The following RAB10 variants were observed in gnomAD, a reference collection of about 807,000 sequenced individuals.
RAB10 encodes ras-related protein Rab-10.
Under a neutral mutation model 25.7 loss-of-function variants are expected in RAB10, and 5 were observed. The observed-to-expected ratio is 0.19, with a 90% confidence interval of 0.10 to 0.41. The LOEUF (loss-of-function observed/expected upper bound fraction) is 0.41. RAB10 is among the 10% of genes least tolerant of loss of function. The pLI, the probability that RAB10 is intolerant of heterozygous loss-of-function variation, is 1.00. For missense variants in RAB10, 103 were observed against 245.8 expected, an observed-to-expected ratio of 0.42 and a Z score of 3.89; for synonymous variants, 89 against 86.4, an observed-to-expected ratio of 1.03 and a Z score of -0.16.
intron 1 of RAB10, among the ~76,000 whole-genome samples, chr2:26,052,073 A>G (rs1666150909): frequency 6.6e-6 from 1 of 150,484 alleles, no homozygotes; most frequent in African/African-American, 2.4e-5. Flanking sequence ...AAAAAAACAA[A>G]AAGTCATTAA....
At chr2:26,114,942 G>GT (rs1238521990) in intron 3 of RAB10, among the ~76,000 whole-genome samples, 2 of 151,910 alleles carry the variant, frequency 1.3e-5, no homozygotes, top group Non-Finnish European at 2.9e-5. Flanking sequence ...GGACCTACAT[G>GT]TAAGATCTAA....
At chr2:26,039,134 C>G (rs952831098) in intron 1 of RAB10, among the ~76,000 whole-genome samples, 1 of 150,958 alleles carries the variant, frequency 6.6e-6, no homozygotes, top group Non-Finnish European at 1.5e-5. Context: ...ATTCTACTGC[C>G]TCAGCCTCCC....
At chr2:26,036,476 T>C (rs1002562206) in intron 1 of RAB10, among the ~76,000 whole-genome samples, 1 of 152,056 alleles carries the variant, frequency 6.6e-6, no homozygotes, top group Non-Finnish European at 1.5e-5. Context: ...TTGGCCAATA[T>C]GGTGAAACCC....
At chr2:26,085,141 T>A (rs1474635817) in intron 1 of RAB10, among the ~76,000 whole-genome samples, 2 of 152,006 alleles carry the variant, frequency 1.3e-5, no homozygotes, top group Non-Finnish European at 2.9e-5. Flanking sequence ...GAATAATGGA[T>A]AAAATAATTG....
At chr2:26,115,921 G>A (rs1470053507) in intron 3 of RAB10, among the ~76,000 whole-genome samples, 2 of 148,182 alleles carry the variant, frequency 1.3e-5, no homozygotes, top group Non-Finnish European at 3.0e-5. Flanking sequence ...GTGCAGTGGC[G>A]CCATCTTGGC....
At position 26,112,285 on chromosome 2, in the gene RAB10, A is replaced by G. The variant is rs560970378; in HGVS notation, c.327+2379A>G. Among the ~76,000 whole-genome samples the G allele has an allele frequency of 2.0e-5, 3 of 152,128 alleles. No homozygotes were observed. The South Asian group carries it at 6.2e-4, about 32-fold the overall frequency. On this transcript the variant is annotated intron_variant, in intron 3 of 5. Transcript: ENST00000264710. ...TAATGTCTGTCTCCCTTCCCCTCCT[A>G]GGAGGTCAGGAAGTGGGACTGAAAT...
At chr2:26,126,135 T>G (rs1008864321) in intron 3 of RAB10, among the ~76,000 whole-genome samples, 1 of 152,202 alleles carries the variant, frequency 6.6e-6, no homozygotes, top group Non-Finnish European at 1.5e-5. Context: ...ATTGACTGAT[T>G]TTGGCATCCT....
chr2:26,074,085 T>C (rs1229302878), intron 1 of RAB10, among the ~76,000 whole-genome samples: 1 of 152,188 alleles, frequency 6.6e-6, no homozygotes, highest in Non-Finnish European at 1.5e-5. Flanking sequence ...AGGCATCTTA[T>C]ATTAAGATCA....
chr2:26,118,550 T>G (rs1667740036), intron 3 of RAB10, among the ~76,000 whole-genome samples: 1 of 152,188 alleles, frequency 6.6e-6, no homozygotes, highest in African/African-American at 2.4e-5. Flanking sequence ...AATGGTTTCA[T>G]TATTATTAAA....
Position 26,034,459 on chromosome 2 carries a change from C to A in RAB10, c.-150C>A. On this transcript the variant is annotated 5_prime_UTR_variant, in exon 1 of 6. The change creates a new upstream start codon in the 5' untranslated region. Coordinates refer to ENST00000264710, the MANE Select transcript of RAB10 (RefSeq NM_016131.5). ...CGCCACTGTCGGGGCTTCCTCAAAGCTGTTCGTAGGTCGCCCGCGCCGTCT... is the reference window on the plus strand; with the variant it reads ...CGCCACTGTCGGGGCTTCCTCAAAGATGTTCGTAGGTCGCCCGCGCCGTCT... The A allele has an allele frequency of 1.9e-6, 2 of 1,052,712 alleles. No individual in the cohort carries two copies. Among genetic ancestry groups the A allele is most frequent in the Non-Finnish European group, 2.7e-6 (2 of 741,728 alleles). The allele number at this position is 1,052,712 out of a possible 1,614,324, so 65.2% of individuals were successfully genotyped here. A position where few individuals can be genotyped will look rare whatever the true frequency, so the allele number is the denominator to read the frequency against.
chr2:26,108,293 A>G (rs767676057), intron 2 of RAB10, among the ~76,000 whole-genome samples: 19 of 152,220 alleles, frequency 1.2e-4, no homozygotes, highest in Non-Finnish European at 2.4e-4. Flanking sequence ...TGTGATACAG[A>G]CATACCATAG....
rs1667934082 is a variant in RAB10, at chr2:26,127,833, T to C, written c.418-17T>C. The C allele has an allele frequency of 1.9e-6, 3 of 1,544,050 alleles. No individual in the cohort carries two copies. Among genetic ancestry groups the C allele is most frequent in the Non-Finnish European group, 2.7e-6 (3 of 1,116,628 alleles). On this transcript the variant is annotated splice_polypyrimidine_tract_variant and intron_variant, in intron 4 of 5. Coordinates refer to ENST00000264710, the MANE Select transcript of RAB10 (RefSeq NM_016131.5). The stretch of plus-strand genomic sequence containing the variant: ...CATGCTTGATAATTTTATGATGATA[T>C]TTTGTTTCTGTTTTAGATTGCAAGG...
At chr2:26,120,655 T>C (rs1003183964) in intron 3 of RAB10, among the ~76,000 whole-genome samples, 1 of 151,882 alleles carries the variant, frequency 6.6e-6, no homozygotes, top group African/African-American at 2.4e-5. Context: ...AGTGGTGCTA[T>C]CTTGGCTCAC....
intron 2 of RAB10, among the ~76,000 whole-genome samples, chr2:26,103,332 T>C (rs1346601433): frequency 6.6e-6 from 1 of 152,182 alleles, no homozygotes; most frequent in Admixed American, 6.5e-5. Flanking sequence ...CATATGCAGG[T>C]AGTGGGAACA....
chr2:26,127,655 A>G (rs1254758265), intron 4 of RAB10, among the ~76,000 whole-genome samples, 195 bp from the exon 5 acceptor site: 2 of 152,230 alleles, frequency 1.3e-5, no homozygotes, highest in East Asian at 3.8e-4. Context: ...AATATCTGAA[A>G]TAAACTTTTG....
chr2:26,108,877 TTATATTTATTTA>T (rs1341317447), intron 2 of RAB10, among the ~76,000 whole-genome samples: 50 of 127,044 alleles, frequency 3.9e-4, no homozygotes, highest in African/African-American at 5.2e-4. Context: ...GTCTTTTGCT[TTATATTTATTTA>T]TTTATTTATT....
chr2:26,041,508 A>G (rs906217982), intron 1 of RAB10, among the ~76,000 whole-genome samples: 4 of 143,662 alleles, frequency 2.8e-5, no homozygotes, highest in Non-Finnish European at 3.0e-5. Context: ...GTGCCACTGC[A>G]CTCAAGCCTG....
At chr2:26,121,678 C>G (rs1038778505) in intron 3 of RAB10, among the ~76,000 whole-genome samples, 2 of 152,152 alleles carry the variant, frequency 1.3e-5, no homozygotes, top group Non-Finnish European at 2.9e-5. Flanking sequence ...AAAACATACA[C>G]AGATCTATTA....
intron 1 of RAB10, among the ~76,000 whole-genome samples, chr2:26,053,482 C>G (rs1247597135): frequency 6.6e-6 from 1 of 152,154 alleles, no homozygotes; most frequent in Non-Finnish European, 1.5e-5. Context: ...GAATACTGAA[C>G]AGCAAGTGAT....
Sources: gnomAD v4.1 joint callset for allele counts (sites outside exome capture counted in the v4.1 genomes callset) on GRCh38, gnomAD v4.1.1 for gene constraint, MANE v1.5 for transcripts, NCBI Gene and HGNC (gene_info 2026-07-23, HGNC 2026-07-21) for gene names.